HMGCLL1: variants seen among roughly 807,000 people sequenced by gnomAD.
The protein encoded by HMGCLL1 is 3-hydroxymethyl-3-methylglutaryl-CoA lyase, cytoplasmic.
Under a neutral mutation model 39.1 loss-of-function variants are expected in HMGCLL1, and 36 were observed. The ratio of observed to expected loss-of-function variants is 0.92; its 90% confidence interval spans 0.71 to 1.22. The LOEUF (loss-of-function observed/expected upper bound fraction) is 1.22. Among genes scored for constraint, HMGCLL1 ranks in the 50% most tolerant of loss-of-function variants. The pLI is 0.00. For missense variants in HMGCLL1, 451 were observed against 416.5 expected, an observed-to-expected ratio of 1.08 and a Z score of -0.72; for synonymous variants, 149 against 144.0, an observed-to-expected ratio of 1.03 and a Z score of -0.25.
chr6:55,555,213 T>C (rs2127467257), intron 1 of HMGCLL1, among the ~76,000 whole-genome samples: 1 of 152,320 alleles, frequency 6.6e-6, no homozygotes, highest in East Asian at 1.9e-4. Context: ...TTGCCATTTC[T>C]TGAACACCTG....
At chr6:55,639,745 G>A in the HMGCLL1 span, among the ~76,000 whole-genome samples, 3 of 151,992 alleles carry the variant, frequency 2.0e-5, no homozygotes, top group African/African-American at 7.2e-5. Context: ...GGAAAAGAAG[G>A]ATAATGACAA....
the HMGCLL1 span, among the ~76,000 whole-genome samples, chr6:55,615,484 G>T: frequency 6.6e-6 from 1 of 152,122 alleles, no homozygotes; most frequent in African/African-American, 2.4e-5. Flanking sequence ...AGGCTTGAAA[G>T]AAGTTATTAT....
chr6:55,459,217 T>C (rs1764452410), intron 7 of HMGCLL1, among the ~76,000 whole-genome samples: 1 of 152,138 alleles, frequency 6.6e-6, no homozygotes. Flanking sequence ...CATTATCATA[T>C]TTAAGATGTA....
intron 7 of HMGCLL1, among the ~76,000 whole-genome samples, chr6:55,491,968 C>T (rs1408684578): frequency 1.3e-5 from 2 of 152,080 alleles, no homozygotes; most frequent in African/African-American, 4.8e-5. Context: ...AAAGATCCCT[C>T]AGATCCCTCT....
the HMGCLL1 span, among the ~76,000 whole-genome samples, chr6:55,597,073 T>C: frequency 1.6e-5 from 2 of 123,214 alleles, no homozygotes; most frequent in African/African-American, 5.4e-5. Flanking sequence ...ATGTGTATCA[T>C]TCGCTTTTCC....
intron 1 of HMGCLL1, among the ~76,000 whole-genome samples, chr6:55,559,607 C>G: frequency 6.6e-6 from 1 of 152,128 alleles, no homozygotes; most frequent in Non-Finnish European, 1.5e-5. Flanking sequence ...ATCATTCACA[C>G]TGGACTTGAG....
chr6:55,590,758 T>C, the HMGCLL1 span, among the ~76,000 whole-genome samples: 2 of 151,982 alleles, frequency 1.3e-5, no homozygotes, highest in South Asian at 2.1e-4. Flanking sequence ...TTTTAACATA[T>C]ATACTAAAGA....
At chr6:55,453,293 C>T (rs971102499) in intron 7 of HMGCLL1, among the ~76,000 whole-genome samples, 1 of 152,196 alleles carries the variant, frequency 6.6e-6, no homozygotes, top group East Asian at 1.9e-4. Flanking sequence ...ATTCTCCTGC[C>T]TCAGCCTTAC....
the HMGCLL1 span, among the ~76,000 whole-genome samples, chr6:55,676,945 C>T: frequency 1.3e-5 from 2 of 152,174 alleles, no homozygotes; most frequent in Non-Finnish European, 2.9e-5. Context: ...TTTATTACTT[C>T]GTATACTTGG....
chr6:55,484,175 G>A (rs959401499), intron 7 of HMGCLL1, among the ~76,000 whole-genome samples: 1 of 152,052 alleles, frequency 6.6e-6, no homozygotes. Context: ...AGCCATAAAG[G>A]GATGACAATG....
At chr6:55,597,515 T>TAA in the HMGCLL1 span, among the ~76,000 whole-genome samples, 23 of 143,264 alleles carry the variant, frequency 1.6e-4, no homozygotes, top group African/African-American at 5.9e-4. Context: ...ATTAAGATGT[T>TAA]AAAAAAAAAA....
chr6:55,435,880 G>A (rs1039272481), intron 8 of HMGCLL1, 117 bp from the exon 9 acceptor site: 18 of 484,082 alleles, frequency 3.7e-5, no homozygotes, highest in Admixed American at 2.2e-4. Context: ...ACTAAACAAA[G>A]TGGTGTTGGT....
At chr6:55,477,365 ATT>A (rs1765472335) in intron 7 of HMGCLL1, among the ~76,000 whole-genome samples, 1 of 36,296 alleles carries the variant, frequency 2.8e-5, no homozygotes, top group Non-Finnish European at 4.5e-5. Context: ...TATATATTAT[ATT>A]AATATAATAT....
intron 3 of HMGCLL1, among the ~76,000 whole-genome samples, chr6:55,534,688 G>C (rs1768914872): frequency 6.6e-6 from 1 of 152,180 alleles, no homozygotes; most frequent in African/African-American, 2.4e-5. Flanking sequence ...GAGTACCTAA[G>C]AAACCTCTAG....
chr6:55,487,219 G>C (rs1418387398), intron 7 of HMGCLL1, among the ~76,000 whole-genome samples: 1 of 151,174 alleles, frequency 6.6e-6, no homozygotes, highest in Non-Finnish European at 1.5e-5. Flanking sequence ...TTTACAATTT[G>C]TGTGCCTTTT....
intron 1 of HMGCLL1, chr6:55,566,674 A>T (rs1771234178): frequency 2.2e-6 from 1 of 454,934 alleles, no homozygotes; most frequent in South Asian, 1.6e-5. Flanking sequence ...CACTGTGTGA[A>T]TTAACTTAAT....
chr6:55,612,720 C>G, the HMGCLL1 span, among the ~76,000 whole-genome samples: 1 of 151,932 alleles, frequency 6.6e-6, no homozygotes, highest in Non-Finnish European at 1.5e-5. Context: ...CTATTTAATA[C>G]ATGGTACTGG....
At chr6:55,600,069 G>A in the HMGCLL1 span, among the ~76,000 whole-genome samples, 553 of 151,960 alleles carry the variant, frequency 3.6e-3, 17 homozygotes, top group East Asian at 0.082. Flanking sequence ...TTACATTGGC[G>A]GTATTTTTTA....
chr6:55,664,997 C>A, the HMGCLL1 span, among the ~76,000 whole-genome samples: 1 of 151,696 alleles, frequency 6.6e-6, no homozygotes, highest in Non-Finnish European at 1.5e-5. Flanking sequence ...AACTCAGAAG[C>A]AGTATACTAT....
Sources: allele counts gnomAD v4.1 joint callset (sites outside exome capture counted in the v4.1 genomes callset), GRCh38; gene constraint gnomAD v4.1.1; transcripts MANE v1.5; gene names NCBI Gene and HGNC (gene_info 2026-07-23, HGNC 2026-07-21).